PRKAR2A: variants seen among roughly 807,000 people sequenced by gnomAD.
PRKAR2A encodes protein kinase cAMP-dependent type II regulatory subunit alpha, also known as cAMP-dependent protein kinase type II-alpha regulatory subunit.
In PRKAR2A, 29 loss-of-function variants were observed where a neutral mutation model predicts 51.9. That is an observed-to-expected ratio of 0.56 (90% CI 0.42 to 0.76). The LOEUF is 0.76. PRKAR2A is among the 30% of genes least tolerant of loss of function. The pLI is 0.00. For synonymous variants in PRKAR2A, 178 were observed against 186.2 expected, an observed-to-expected ratio of 0.96 and a Z score of 0.36; for missense variants, 445 against 512.1, an observed-to-expected ratio of 0.87 and a Z score of 1.26.
chr3:48,788,918 T>C (rs2082337957), intron 4 of PRKAR2A, among the ~76,000 whole-genome samples: 1 of 152,052 alleles, frequency 6.6e-6, no homozygotes, highest in Non-Finnish European at 1.5e-5. Flanking sequence ...TTGTTCTTTA[T>C]TTCTACCACC....
At chr3:48,778,545 AGTC>A (rs908255036) in intron 5 of PRKAR2A, among the ~76,000 whole-genome samples, 1 of 151,546 alleles carries the variant, frequency 6.6e-6, no homozygotes, top group Non-Finnish European at 1.5e-5. Context: ...GTTGAGATGG[AGTC>A]CCATTCTGTC....
downstream of PRKAR2A, among the ~76,000 whole-genome samples, chr3:48,746,019 A>T (rs1197077894): frequency 6.6e-6 from 1 of 152,156 alleles, no homozygotes; most frequent in Non-Finnish European, 1.5e-5. Context: ...TTTGGACGCT[A>T]ACTGAAACAC....
chr3:48,793,752 A>T (rs1290558398), intron 3 of PRKAR2A, among the ~76,000 whole-genome samples: 1 of 152,054 alleles, frequency 6.6e-6, no homozygotes, highest in African/African-American at 2.4e-5. Flanking sequence ...TCAGCCTCTC[A>T]AAGTGTTCGG....
At chr3:48,804,466 A>G (rs2082642413) in intron 2 of PRKAR2A, among the ~76,000 whole-genome samples, 1 of 152,206 alleles carries the variant, frequency 6.6e-6, no homozygotes, top group South Asian at 2.1e-4. Flanking sequence ...TTTCAAAAAA[A>G]AAAATTAAAA....
At chr3:48,839,430 C>T (rs540386004) in intron 1 of PRKAR2A, among the ~76,000 whole-genome samples, 31 of 150,710 alleles carry the variant, frequency 2.1e-4, no homozygotes, top group Admixed American at 4.6e-4. Flanking sequence ...GCTGAGAGAC[C>T]GGCAAGTATA....
chr3:48,761,213 C>A (rs902061020), intron 8 of PRKAR2A, among the ~76,000 whole-genome samples: 1 of 150,900 alleles, frequency 6.6e-6, no homozygotes, highest in African/African-American at 2.4e-5. Flanking sequence ...ACCCAGGAGG[C>A]GGAGCTTGCA....
chr3:48,794,090 A>T (rs1304140789), intron 2 of PRKAR2A, 41 bp from the exon 3 acceptor site: 1 of 1,462,816 alleles, frequency 6.8e-7, no homozygotes, highest in South Asian at 1.2e-5. Flanking sequence ...TGAATTTAAC[A>T]GATGTGTGGC....
At chr3:48,782,276 G>A (rs777446742) in intron 5 of PRKAR2A, among the ~76,000 whole-genome samples, 40 of 152,112 alleles carry the variant, frequency 2.6e-4, no homozygotes, top group Non-Finnish European at 3.8e-4. Context: ...AGGGGTTAAG[G>A]TCAGGGCAGT....
In PRKAR2A at chr3:48,793,914, C is replaced by T. The variant is rs1036639475; in HGVS notation, c.351+83G>A. ...ATTTTAATTTGTATTTAATTATTAG[C>T]ATGATGAGTTTTTGGTATGTAGAGA... is the stretch of plus-strand genomic sequence containing the variant. On this transcript the variant is annotated intron_variant, in intron 3 of 10. Coordinates refer to ENST00000265563, the MANE Select transcript of PRKAR2A (RefSeq NM_004157.4). 6.8e-6 allele frequency: 7 copies of T among 1,029,926 alleles called. No individual in the cohort carries two copies. The Admixed American group carries it at 9.0e-5, about 13-fold the overall frequency. The allele number at this position is 1,029,926 out of a possible 1,614,324, so 63.8% of individuals were successfully genotyped here.
intron 1 of PRKAR2A, among the ~76,000 whole-genome samples, chr3:48,826,361 T>A (rs2083065886): frequency 6.6e-6 from 1 of 152,166 alleles, no homozygotes; most frequent in South Asian, 2.1e-4. Context: ...TATAGTTTTA[T>A]TATAAAGGAT....
intron 2 of PRKAR2A, among the ~76,000 whole-genome samples, chr3:48,806,726 C>T (rs1223553535): frequency 6.6e-6 from 1 of 151,932 alleles, no homozygotes. Flanking sequence ...TATTACCAAA[C>T]TAGTACCATA....
chr3:48,751,898 A>G (rs1195752894), intron 10 of PRKAR2A, among the ~76,000 whole-genome samples, 180 bp from the exon 11 acceptor site: 1 of 152,226 alleles, frequency 6.6e-6, no homozygotes, highest in African/African-American at 2.4e-5. Context: ...GAGACTTTAC[A>G]GAGTCCAGCA....
chr3:48,776,211 A>C (rs1354928876), intron 5 of PRKAR2A, among the ~76,000 whole-genome samples: 1 of 152,184 alleles, frequency 6.6e-6, no homozygotes, highest in African/African-American at 2.4e-5. Context: ...TTGCAGAAAT[A>C]GGCACTCTCA....
At chr3:48,819,924 T>G (rs1324298984) in intron 1 of PRKAR2A, among the ~76,000 whole-genome samples, 2 of 152,212 alleles carry the variant, frequency 1.3e-5, no homozygotes, top group African/African-American at 4.8e-5. Flanking sequence ...AGGAGTGGCC[T>G]CTCACAGATG....
At chr3:48,775,683 C>A (rs1348803783) in intron 5 of PRKAR2A, among the ~76,000 whole-genome samples, 1 of 151,944 alleles carries the variant, frequency 6.6e-6, no homozygotes, top group Non-Finnish European at 1.5e-5. Flanking sequence ...ATCAAAGATA[C>A]TGCAAAAGAT....
At position 48,752,233 on chromosome 3, in the gene PRKAR2A, C is replaced by T; in HGVS notation, c.1024G>A (p.Val342Ile). ...GAGGCAGCTCTGGGTTTGTTGGTGA[C>T]CAGGGCAAGCTCTCCAAAGTACTGC... Reference protein sequence around the residue: ...KGQYFGELALVTNKPRAASAY... With the variant: ...KGQYFGELALITNKPRAASAY... The change falls in exon 10 of 11, where the codon GTC (valine) becomes ATC (isoleucine). Residue 342 changes from valine to isoleucine, a missense_variant. Val to Ile is a conservative substitution (Grantham distance 29). Coordinates refer to ENST00000265563, the MANE Select transcript of PRKAR2A (RefSeq NM_004157.4). 6.2e-7 allele frequency: 1 copy of T among 1,614,162 alleles called. No homozygotes were observed. Among genetic ancestry groups the T allele is most frequent in the Non-Finnish European group, 8.5e-7 (1 of 1,180,014 alleles).
chr3:48,754,731 C>T (rs1434259112), intron 9 of PRKAR2A, among the ~76,000 whole-genome samples: 3 of 151,696 alleles, frequency 2.0e-5, no homozygotes, highest in African/African-American at 7.3e-5. Flanking sequence ...TGAGATCACG[C>T]CACTGCACTC....
intron 7 of PRKAR2A, 74 bp from the exon 8 acceptor site, chr3:48,765,152 A>C: frequency 6.5e-7 from 1 of 1,546,958 alleles, no homozygotes; most frequent in East Asian, 2.2e-5. Context: ...GCACAGAAAT[A>C]GGATTAGAAT....
At chr3:48,773,564 T>G (rs1320341138) in intron 5 of PRKAR2A, among the ~76,000 whole-genome samples, 2 of 151,956 alleles carry the variant, frequency 1.3e-5, no homozygotes, top group East Asian at 3.9e-4. Flanking sequence ...GGTCTCGATC[T>G]CCTGGCTTCG....
Sources: gnomAD v4.1 joint callset for allele counts (sites outside exome capture counted in the v4.1 genomes callset) on GRCh38, gnomAD v4.1.1 for gene constraint, MANE v1.5 for transcripts, NCBI Gene and HGNC (gene_info 2026-07-23, HGNC 2026-07-21) for gene names.